Variants in MTMR9 observed in about 807,000 individuals in gnomAD.
The protein encoded by MTMR9 is myotubularin-related protein 9.
Under a neutral mutation model 69.5 loss-of-function variants are expected in MTMR9, and 39 were observed. The observed-to-expected ratio is 0.56, with a 90% CI of 0.43 to 0.73. The LOEUF (loss-of-function observed/expected upper bound fraction) is 0.73, where lower values mean the gene tolerates loss of function less well. MTMR9 is among the 30% of genes least tolerant of loss of function. The pLI is 0.00. For synonymous variants in MTMR9, 354 were observed against 240.8 expected, an observed-to-expected ratio of 1.47 and a Z score of -4.35; for missense variants, 900 against 671.2, an observed-to-expected ratio of 1.34 and a Z score of -3.77.
intron 2 of MTMR9, among the ~76,000 whole-genome samples, chr8:11,298,508 A>G (rs1189524229): frequency 1.3e-5 from 2 of 152,140 alleles, no homozygotes; most frequent in East Asian, 3.9e-4. Flanking sequence ...TTGGATGGAG[A>G]TGTTTTTGCT....
intron 5 of MTMR9, among the ~76,000 whole-genome samples, chr8:11,307,277 G>A (rs1799974293): frequency 6.6e-6 from 1 of 152,096 alleles, no homozygotes; most frequent in Non-Finnish European, 1.5e-5. Context: ...TTGCCATGTT[G>A]GTCAGGCTGG....
At chr8:11,297,083 C>T (rs944154261) in intron 2 of MTMR9, among the ~76,000 whole-genome samples, 3 of 152,098 alleles carry the variant, frequency 2.0e-5, no homozygotes, top group Non-Finnish European at 2.9e-5. Flanking sequence ...ATAGTACTTT[C>T]TAGACTACTA....
At chr8:11,289,597 C>G (rs973370714) in intron 1 of MTMR9, among the ~76,000 whole-genome samples, 1 of 152,022 alleles carries the variant, frequency 6.6e-6, no homozygotes, top group African/African-American at 2.4e-5. Context: ...TTTTCTTCCT[C>G]CCTAATTTTC....
intron 1 of MTMR9, among the ~76,000 whole-genome samples, chr8:11,287,677 T>C (rs1799210877): frequency 7.2e-6 from 1 of 139,124 alleles, no homozygotes; most frequent in Non-Finnish European, 1.5e-5. Flanking sequence ...ATTAGATATA[T>C]TTATATTTAT....
At chr8:11,328,751 T>C (rs983460450), downstream of MTMR9, among the ~76,000 whole-genome samples, 25 of 152,228 alleles carry the variant, frequency 1.6e-4, no homozygotes, top group African/African-American at 5.3e-4. Context: ...GAGAAAATAC[T>C]AACTTTATAG....
downstream of MTMR9, chr8:11,331,385 C>A (rs370747876): frequency 1.2e-6 from 2 of 1,613,846 alleles, no homozygotes; most frequent in African/African-American, 2.7e-5. Context: ...GTGGCGACCC[C>A]CTTCTGGGAC....
chr8:11,303,725 G>A (rs766834606), intron 3 of MTMR9, among the ~76,000 whole-genome samples: 1 of 152,034 alleles, frequency 6.6e-6, no homozygotes, highest in Non-Finnish European at 1.5e-5. Context: ...GTGGATATGG[G>A]GTTTGGCCAT....
intron 3 of MTMR9, chr8:11,300,452 G>C (rs1005221100): frequency 3.1e-5 from 6 of 196,078 alleles, no homozygotes; most frequent in African/African-American, 1.4e-4. Context: ...GAGTGATAAT[G>C]GTTATGTAAC....
intron 1 of MTMR9, among the ~76,000 whole-genome samples, chr8:11,286,686 A>G (rs1234438239): frequency 1.1e-4 from 17 of 149,508 alleles, no homozygotes; most frequent in Non-Finnish European, 2.2e-4. Flanking sequence ...AAAAAAAAAA[A>G]AAAAAGTCTT....
chr8:11,299,977 A>C, intron 2 of MTMR9, 46 bp from the exon 3 acceptor site: 9 of 1,589,598 alleles, frequency 5.7e-6, no homozygotes, highest in Non-Finnish European at 7.7e-6. Context: ...ATATGTTTCC[A>C]GTTGTGGATG....
downstream of MTMR9, chr8:11,331,870 G>C (rs58797482): frequency 2.4e-5 from 38 of 1,611,910 alleles, 1 homozygote; most frequent in South Asian, 4.2e-4. Context: ...AGTTGGAGTT[G>C]TGTGGGGGCA....
intron 4 of MTMR9, among the ~76,000 whole-genome samples, 178 bp downstream of exon 4, chr8:11,305,192 G>T (rs1008010322): frequency 1.3e-5 from 2 of 152,112 alleles, no homozygotes; most frequent in Admixed American, 1.3e-4. Context: ...CTGTGGTGAG[G>T]ATGTGATGCT....
intron 8 of MTMR9, chr8:11,318,581 A>G (rs1354170459): frequency 2.0e-5 from 3 of 152,224 alleles, no homozygotes; most frequent in Non-Finnish European, 2.9e-5. Context: ...TGGTTGATGT[A>G]AGGTTTACCA....
Position 11,319,803 on chromosome 8 carries a change from C to T in MTMR9, c.1451C>T (p.Pro484Leu). 6.2e-7 allele frequency: 1 copy of T among 1,614,168 alleles called. No homozygotes were observed. Among genetic ancestry groups the T allele is most frequent in the Non-Finnish European group, 8.5e-7 (1 of 1,180,016 alleles). ...LFEANNLVIW[P>L]SVAPQSLPLW... Reference sequence around the variant, plus strand: ...GAAGCCAACAACCTTGTCATCTGGCCTTCAGTTGCTCCGCAGAGTCTTCCA... The same window carrying T: ...GAAGCCAACAACCTTGTCATCTGGCTTTCAGTTGCTCCGCAGAGTCTTCCA... Residue 484 changes from proline (P) to leucine (L), a missense_variant, in exon 9 of 10, where the codon CCT becomes CTT. By Grantham distance (98) the Pro-to-Leu change is moderately conservative. Coordinates refer to ENST00000221086, the MANE Select transcript of MTMR9 (RefSeq NM_015458.4).
At chr8:11,307,181 C>T (rs550548558) in intron 5 of MTMR9, among the ~76,000 whole-genome samples, 1 of 152,302 alleles carries the variant, frequency 6.6e-6, no homozygotes, top group South Asian at 2.1e-4. Context: ...AAGTGATTCT[C>T]CTGTCTCAGC....
chr8:11,331,549 G>T (rs145832727), downstream of MTMR9: 54 of 1,613,830 alleles, frequency 3.3e-5, no homozygotes, highest in Non-Finnish European at 4.5e-5. Context: ...CTCACCCTCT[G>T]CCTTGAGAGC....
chr8:11,337,409 C>G, the MTMR9 span, among the ~76,000 whole-genome samples: 1 of 152,204 alleles, frequency 6.6e-6, no homozygotes, highest in East Asian at 1.9e-4. Flanking sequence ...CAGACCATCA[C>G]TCACCAATAA....
At chr8:11,308,483 C>G (rs1438640894) in intron 5 of MTMR9, among the ~76,000 whole-genome samples, 5 of 152,162 alleles carry the variant, frequency 3.3e-5, no homozygotes, top group Admixed American at 2.0e-4. Context: ...GCCATCAGGA[C>G]CAGGGCTTTT....
chr8:11,317,111 C>T (rs117608816), intron 8 of MTMR9: 7,873 of 353,994 alleles, frequency 0.022, 128 homozygotes, highest in Middle Eastern at 0.041. Context: ...TTAGTCCATA[C>T]GTGAATTAAG....
Sources: allele counts gnomAD v4.1 joint callset (sites outside exome capture counted in the v4.1 genomes callset), GRCh38; gene constraint gnomAD v4.1.1; transcripts MANE v1.5; gene names NCBI Gene and HGNC (gene_info 2026-07-23, HGNC 2026-07-21).